The following RCC2 variants were observed in gnomAD, a reference collection of about 807,000 sequenced individuals.
RCC2 encodes the protein regulator of chromosome condensation 2.
Under a neutral mutation model 64.1 loss-of-function variants are expected in RCC2, and 19 were observed. The ratio of observed to expected loss-of-function variants is 0.30; its 90% CI spans 0.21 to 0.44. RCC2 has a LOEUF of 0.44. RCC2 is among the 20% of genes least tolerant of loss of function. The pLI, the probability that RCC2 is intolerant of heterozygous loss-of-function variation, is 1.00. For synonymous variants in RCC2, 325 were observed against 279.6 expected, an observed-to-expected ratio of 1.16 and a Z score of -1.62; for missense variants, 508 against 710.4, an observed-to-expected ratio of 0.72 and a Z score of 3.24.
intron 7 of RCC2, among the ~76,000 whole-genome samples, chr1:17,417,520 C>T (rs949622537): frequency 1.3e-5 from 2 of 152,044 alleles, no homozygotes; most frequent in African/African-American, 4.8e-5. Flanking sequence ...AAAACAAAAA[C>T]AAACAAACAA....
intron 2 of RCC2, among the ~76,000 whole-genome samples, chr1:17,436,601 C>T (rs2075737874): frequency 6.6e-6 from 1 of 152,208 alleles, no homozygotes; most frequent in South Asian, 2.1e-4. Flanking sequence ...GAGCCAGTGT[C>T]CCTCACACAC....
At chr1:17,436,903 T>A (rs929863855) in intron 2 of RCC2, among the ~76,000 whole-genome samples, 2 of 152,192 alleles carry the variant, frequency 1.3e-5, no homozygotes, top group Non-Finnish European at 2.9e-5. Flanking sequence ...TGTGTTCCAG[T>A]TTCTCAATAC....
intron 2 of RCC2, among the ~76,000 whole-genome samples, chr1:17,432,300 C>T (rs1263468508): frequency 2.0e-5 from 3 of 152,174 alleles, no homozygotes; most frequent in Non-Finnish European, 4.4e-5. Flanking sequence ...CTGGAATATG[C>T]TACAGGTCTA....
intron 2 of RCC2, among the ~76,000 whole-genome samples, chr1:17,429,540 C>A (rs1002678297): frequency 3.9e-5 from 6 of 152,148 alleles, no homozygotes; most frequent in Admixed American, 2.6e-4. Flanking sequence ...AGGAAGCCTG[C>A]CGGACACTCA....
At chr1:17,431,565 T>C (rs2100390954) in intron 2 of RCC2, among the ~76,000 whole-genome samples, 1 of 147,996 alleles carries the variant, frequency 6.8e-6, no homozygotes, top group Non-Finnish European at 1.5e-5. Flanking sequence ...GCCCAATCAT[T>C]CTAACCTCTA....
chr1:17,421,520 C>T (rs1475763487), intron 6 of RCC2, among the ~76,000 whole-genome samples: 1 of 151,860 alleles, frequency 6.6e-6, no homozygotes, highest in Non-Finnish European at 1.5e-5. Context: ...GACTGCCTAT[C>T]TCGTATTTGT....
At position 17,413,529 on chromosome 1, in the gene RCC2, T is replaced by G; in HGVS notation, c.1207+8A>C. The G allele has an allele frequency of 6.2e-7, 1 of 1,613,742 alleles. No homozygotes were observed. Among genetic ancestry groups the G allele is most frequent in the African/African-American group, 1.3e-5 (1 of 74,994 alleles). ...GCACTGATAAGCCAGGGGGCAGAAA[T>G]CACTAACCCACTTCACTGACAGCAA... On this transcript the variant is annotated splice_region_variant and intron_variant, in intron 9 of 12. Coordinates refer to ENST00000375436, the MANE Select transcript of RCC2 (RefSeq NM_018715.4).
At chr1:17,424,108 C>G (rs1317575148) in intron 4 of RCC2, among the ~76,000 whole-genome samples, 1 of 152,200 alleles carries the variant, frequency 6.6e-6, no homozygotes, top group African/African-American at 2.4e-5. Flanking sequence ...TGCGGCAGGA[C>G]AGGGTGAGCG....
Position 17,408,318 on chromosome 1 carries a change from G to C in RCC2, c.*772C>G, listed in dbSNP as rs2075386439. 1 of 152,296 alleles carries C rather than the reference G, an allele frequency of 6.6e-6. No homozygotes were observed. Among genetic ancestry groups the C allele is most frequent in the Admixed American group, 6.5e-5 (1 of 15,286 alleles). The allele number at this position is 152,296 out of a possible 1,614,324, so 9.4% of individuals were successfully genotyped here. A position where few individuals can be genotyped will look rare whatever the true frequency, so the allele number is the denominator to read the frequency against. On this transcript the variant is annotated 3_prime_UTR_variant, in exon 13 of 13. Transcript: ENST00000375436. ...TGGCTCCACAGGGAGCCACCAAGCTGACTCAACTGATACAAATGTTCCCAC... is the reference window on the plus strand; with the variant it reads ...TGGCTCCACAGGGAGCCACCAAGCTCACTCAACTGATACAAATGTTCCCAC...
intron 2 of RCC2, among the ~76,000 whole-genome samples, chr1:17,432,693 G>C (rs995088532): frequency 3.5e-4 from 53 of 152,386 alleles, no homozygotes; most frequent in African/African-American, 1.0e-3. Context: ...CCTTGGCCTT[G>C]GGGAGGGAGT....
chr1:17,431,694 T>A (rs78490840), intron 2 of RCC2, among the ~76,000 whole-genome samples: 5,384 of 151,596 alleles, frequency 0.036, 133 homozygotes, highest in Non-Finnish European at 0.05. Flanking sequence ...CCAAACCTGA[T>A]TAGGGCGTCC....
intron 11 of RCC2, 145 bp downstream of exon 11, chr1:17,411,977 C>T (rs944251753): frequency 1.1e-5 from 8 of 716,612 alleles, no homozygotes; most frequent in Middle Eastern, 2.4e-4. Context: ...GGGACTCAAT[C>T]GTGTTGCAAA....
intron 7 of RCC2, among the ~76,000 whole-genome samples, chr1:17,417,376 T>G (rs189385091): frequency 9.7e-4 from 148 of 152,260 alleles, no homozygotes; most frequent in African/African-American, 3.2e-3. Context: ...CACACTGTGA[T>G]CATCAGTTTG....
chr1:17,421,595 T>C (rs550361854), intron 6 of RCC2, among the ~76,000 whole-genome samples: 2 of 152,172 alleles, frequency 1.3e-5, no homozygotes, highest in Admixed American at 6.5e-5. Flanking sequence ...GAAGTACAAT[T>C]ACATCCATAT....
intron 2 of RCC2, among the ~76,000 whole-genome samples, chr1:17,430,798 G>A (rs1352516563): frequency 1.3e-5 from 2 of 151,706 alleles, no homozygotes; most frequent in Non-Finnish European, 2.9e-5. Context: ...GCGTGATCTC[G>A]GCTTGCTGCA....
chr1:17,420,670 T>C (rs1363966198), intron 7 of RCC2, 44 bp downstream of exon 7: 4 of 1,261,466 alleles, frequency 3.2e-6, no homozygotes, highest in Admixed American at 2.2e-5. Flanking sequence ...GTTCTGAATA[T>C]ATACAGTTAG....
intron 2 of RCC2, among the ~76,000 whole-genome samples, 157 bp downstream of exon 2, chr1:17,438,067 CGCGGAG>C (rs1361107634): frequency 1.4e-5 from 2 of 146,794 alleles, no homozygotes; most frequent in East Asian, 2.0e-4. Flanking sequence ...CCTTTTGTTG[CGCGGAG>C]GCGGAGGCAA....
At chr1:17,409,878 G>A in intron 12 of RCC2, 96 bp downstream of exon 12, 2 of 1,089,894 alleles carry the variant, frequency 1.8e-6, no homozygotes, top group Admixed American at 1.7e-5. Flanking sequence ...TGGTAAACAA[G>A]ACAACCCAAA....
chr1:17,414,248 G>A (rs943986592), intron 8 of RCC2, among the ~76,000 whole-genome samples: 1 of 152,032 alleles, frequency 6.6e-6, no homozygotes, highest in Non-Finnish European at 1.5e-5. Flanking sequence ...ACAGAGATTC[G>A]GCCAGATGCA....
Sources: gnomAD v4.1 joint callset for allele counts (sites outside exome capture counted in the v4.1 genomes callset) on GRCh38, gnomAD v4.1.1 for gene constraint, MANE v1.5 for transcripts, NCBI Gene and HGNC (gene_info 2026-07-23, HGNC 2026-07-21) for gene names.